Variants in LRRC4C observed in about 807,000 individuals in gnomAD.
The protein encoded by LRRC4C is leucine-rich repeat-containing protein 4C.
A neutral mutation model predicts 33.6 loss-of-function variants in LRRC4C; 5 were observed. The ratio of observed to expected loss-of-function variants is 0.15; its 90% CI spans 0.08 to 0.31. The LOEUF is 0.31. Ranked by LOEUF, LRRC4C falls within the 10% of genes least tolerant of loss-of-function variation. The pLI is 1.00. For missense variants in LRRC4C, 560 were observed against 796.7 expected (o/e 0.70, Z 3.58); for synonymous variants, 329 against 302.0 (o/e 1.09, Z -0.93).
chr11:40,645,578 T>A (rs67296919), intron 3 of LRRC4C, among the ~76,000 whole-genome samples: 17,575 of 152,248 alleles, frequency 0.12, 1,354 homozygotes, highest in Non-Finnish European at 0.16. Flanking sequence ...TTCTATTTTA[T>A]ACATTTTTCT....
intron 1 of LRRC4C, among the ~76,000 whole-genome samples, chr11:41,066,437 T>C (rs1195530322): frequency 6.6e-6 from 1 of 152,130 alleles, no homozygotes; most frequent in Non-Finnish European, 1.5e-5. Context: ...GAACCTGTGA[T>C]TAATTGGAGT....
At chr11:40,522,591 G>A (rs1955866170) in intron 3 of LRRC4C, among the ~76,000 whole-genome samples, 1 of 149,918 alleles carries the variant, frequency 6.7e-6, no homozygotes, top group Non-Finnish European at 1.5e-5. Flanking sequence ...ACTGAAATGT[G>A]GCTAAGATAA....
chr11:40,517,649 C>A (rs180766820), intron 3 of LRRC4C, among the ~76,000 whole-genome samples: 3 of 151,900 alleles, frequency 2.0e-5, no homozygotes, highest in African/African-American at 7.2e-5. Context: ...GCACTGGAAT[C>A]AACATCGTGA....
chr11:40,582,754 T>A (rs1306606089), intron 3 of LRRC4C, among the ~76,000 whole-genome samples: 1 of 152,048 alleles, frequency 6.6e-6, no homozygotes, highest in Non-Finnish European at 1.5e-5. Flanking sequence ...TAACCTCAGG[T>A]GATCCACCCA....
Position 40,115,089 on chromosome 11 carries a change from G to T in LRRC4C, c.1204C>A (p.Arg402=). The change falls in exon 7 of 7, where the codon CGG becomes AGG. Residue 402 remains arginine (R), a synonymous_variant. Coordinates refer to ENST00000528697, the MANE Select transcript of LRRC4C (RefSeq NM_001258419.2). This position sits in a 1 kb window ranked among gnomAD's most constrained non-coding sequence, Gnocchi z 6.7. ...GTACCATCACTGAGCACAGCTATCC[G>T]CACTTTGTACGCCCCATGTGTCATG... ...TVMTHGAYKV[R]IAVLSDGTLN... 1 of 1,614,158 alleles carries T rather than the reference G, an allele frequency of 6.2e-7. No homozygotes were observed. Among genetic ancestry groups the T allele is most frequent in the Non-Finnish European group, 8.5e-7 (1 of 1,180,038 alleles).
intron 2 of LRRC4C, among the ~76,000 whole-genome samples, chr11:40,834,115 T>C (rs1272747173): frequency 3.3e-5 from 5 of 151,846 alleles, no homozygotes; most frequent in African/African-American, 9.7e-5. Flanking sequence ...ATTTGTGAGT[T>C]AAAAAAAATA....
intron 1 of LRRC4C, among the ~76,000 whole-genome samples, chr11:41,269,212 G>A (rs1949244077): frequency 6.6e-6 from 1 of 152,064 alleles, no homozygotes; most frequent in African/African-American, 2.4e-5. Context: ...ATTACAATGT[G>A]TAAGATCCAA....
At chr11:40,892,595 A>C (rs1313248675) in intron 2 of LRRC4C, among the ~76,000 whole-genome samples, 1 of 152,242 alleles carries the variant, frequency 6.6e-6, no homozygotes, top group African/African-American at 2.4e-5. Flanking sequence ...CAAATGGAAT[A>C]TTATTCAACC....
chr11:40,495,813 GT>G (rs77683172), intron 3 of LRRC4C, among the ~76,000 whole-genome samples: 3 of 67,014 alleles, frequency 4.5e-5, no homozygotes, highest in African/African-American at 1.3e-4. Flanking sequence ...CAATAAACAT[GT>G]TTTTTTTTTT....
chr11:40,894,416 T>C (rs1287691457), intron 2 of LRRC4C, among the ~76,000 whole-genome samples: 1 of 152,148 alleles, frequency 6.6e-6, no homozygotes, highest in Non-Finnish European at 1.5e-5. Flanking sequence ...GTCTACACTG[T>C]GGCCAAATCT....
At chr11:40,622,412 A>G (rs1167227386) in intron 3 of LRRC4C, among the ~76,000 whole-genome samples, 1 of 151,844 alleles carries the variant, frequency 6.6e-6, no homozygotes, top group African/African-American at 2.4e-5. Context: ...AGTTCCCATG[A>G]ATCTAGGCTT....
At chr11:41,111,852 T>C (rs887222312) in intron 1 of LRRC4C, among the ~76,000 whole-genome samples, 6 of 151,992 alleles carry the variant, frequency 3.9e-5, no homozygotes, top group South Asian at 2.1e-4. Context: ...ATTAACCTTA[T>C]AGAAAAAAGT....
chr11:40,517,250 C>G (rs773017786), intron 3 of LRRC4C, among the ~76,000 whole-genome samples: 2 of 152,132 alleles, frequency 1.3e-5, no homozygotes, highest in Non-Finnish European at 2.9e-5. Flanking sequence ...TAATTCCCAT[C>G]TTACATAGAT....
intron 3 of LRRC4C, among the ~76,000 whole-genome samples, chr11:40,478,041 C>T (rs1308984154): frequency 1.3e-5 from 2 of 152,162 alleles, no homozygotes; most frequent in Admixed American, 6.5e-5. Flanking sequence ...TAAGACATGA[C>T]TTGCTCCTCC....
intron 1 of LRRC4C, among the ~76,000 whole-genome samples, chr11:40,978,905 T>C (rs1565264795): frequency 6.6e-6 from 1 of 152,130 alleles, no homozygotes; most frequent in African/African-American, 2.4e-5. Flanking sequence ...ATGCTAGGAT[T>C]GCAGGGGTGA....
At chr11:40,320,873 C>T (rs1945810401) in intron 3 of LRRC4C, among the ~76,000 whole-genome samples, 1 of 152,076 alleles carries the variant, frequency 6.6e-6, no homozygotes, top group Non-Finnish European at 1.5e-5. Flanking sequence ...TTTTTATATA[C>T]TTATATATGC....
intron 4 of LRRC4C, among the ~76,000 whole-genome samples, chr11:40,248,549 A>C (rs1174977898): frequency 6.6e-6 from 1 of 152,088 alleles, no homozygotes; most frequent in Non-Finnish European, 1.5e-5. Context: ...CGGGTAACAT[A>C]GGAAGACCAC....
chr11:40,770,303 C>T (rs951330453), intron 2 of LRRC4C, among the ~76,000 whole-genome samples: 1 of 152,074 alleles, frequency 6.6e-6, no homozygotes, highest in African/African-American at 2.4e-5. Flanking sequence ...GGCAGAGAAG[C>T]CCCTTATAAA....
At chr11:40,985,979 A>G (rs2137167359) in intron 1 of LRRC4C, among the ~76,000 whole-genome samples, 1 of 152,102 alleles carries the variant, frequency 6.6e-6, no homozygotes, top group East Asian at 1.9e-4. Flanking sequence ...TTATTATAAT[A>G]ATTAATATAC....
Sources: gnomAD v4.1 joint callset for allele counts (sites outside exome capture counted in the v4.1 genomes callset) on GRCh38, gnomAD v4.1.1 for gene constraint, Gnocchi (gnomAD v3.1) non-coding constraint, MANE v1.5 for transcripts, NCBI Gene and HGNC (gene_info 2026-07-23, HGNC 2026-07-21) for gene names.